FCRLB: variants seen among roughly 807,000 people sequenced by gnomAD.
FCRLB encodes the protein Fc receptor like B.
FCRLB carries 34 observed loss-of-function variants against 33.6 expected under a neutral mutation model. The ratio of observed to expected loss-of-function variants is 1.01; its 90% CI spans 0.77 to 1.35. The LOEUF (loss-of-function observed/expected upper bound fraction) is 1.35, where lower values mean the gene tolerates loss of function less well. Among genes scored for constraint, FCRLB ranks in the 40% most tolerant of loss-of-function variants. FCRLB has a pLI of 0.00. For missense variants in FCRLB, 560 were observed against 580.2 expected, an observed-to-expected ratio of 0.97 and a Z score of 0.36; for synonymous variants, 280 against 255.9, an observed-to-expected ratio of 1.09 and a Z score of -0.90.
chr1:161,727,103 C>T (rs2101680538), intron 7 of FCRLB, 110 bp downstream of exon 7: 1 of 1,340,690 alleles, frequency 7.5e-7, no homozygotes, highest in Non-Finnish European at 9.7e-7. Flanking sequence ...CGCCCCCCGC[C>T]TTTCCCATCT....
Position 161,726,428 on chromosome 1 carries a change from C to T in FCRLB, c.575-275C>T. On this transcript the variant is annotated intron_variant, in intron 6 of 7. Coordinates refer to ENST00000367948, the Ensembl canonical transcript of FCRLB. This position sits in a 1 kb window ranked among gnomAD's most constrained non-coding sequence, Gnocchi z 5.2. ...CAAGGCAGGCGCAGCGTCTCCTATT[C>T]TAGGCTGCAGAACCCGAGCTGAGTG... 1.4e-6 allele frequency: 1 copy of T among 721,296 alleles called. No individual in the cohort carries two copies. The highest frequency in any genetic ancestry group is 1.5e-5 in the South Asian group (1 of 67,116). The allele number at this position is 721,296 out of a possible 1,614,324, so 44.7% of individuals were successfully genotyped here.
rs200714126 is a variant in FCRLB, at chr1:161,722,690, C to T, written c.18C>T (p.Ala6=). ...GATCCATCATGTGGCCACTGACAGCCCTTCTGCTCCTGGGTGAGTCCACAG... is the reference window on the plus strand; with the variant it reads ...GATCCATCATGTGGCCACTGACAGCTCTTCTGCTCCTGGGTGAGTCCACAG... The change falls in exon 3 of 8, where the codon GCC becomes GCT. Residue 6 remains alanine, a synonymous_variant. Transcript: ENST00000367948. The T allele has an allele frequency of 2.3e-4, 364 of 1,614,102 alleles. 1 individual carries two copies. In the Middle Eastern group the frequency reaches 3.1e-3, roughly 14 times the overall value.
rs146761628 is a variant in FCRLB, at chr1:161,723,517, T to G, written c.203T>G (p.Leu68Arg). The G allele has an allele frequency of 4.3e-6, 7 of 1,614,102 alleles. No homozygotes were observed. In the African/African-American group the frequency reaches 6.7e-5, roughly 15 times the overall value. ...CTCTGGTATTTGGGCCACCTACTTC[T>G]GCCCTCTCACAAGAAGAGCATTGAG... Residue 68 changes from leucine (L) to arginine (R), a missense_variant, in exon 5 of 8, where the codon CTG (leucine) becomes CGG (arginine). Physicochemically the swap from Leu to Arg is moderately radical, Grantham distance 102. Coordinates refer to ENST00000367948, the Ensembl canonical transcript of FCRLB.
exon 1 of FCRLB, chr1:161,721,636 G>A (rs1403015698): frequency 2.6e-5 from 4 of 152,210 alleles, no homozygotes; most frequent in African/African-American, 9.7e-5. Flanking sequence ...AAGGGATCAA[G>A]GTGCCCCGGT....
rs1227175051 is a variant in FCRLB at position 161,726,116 on chromosome 1, A to G, written c.574+29A>G. On this transcript the variant is annotated intron_variant, in intron 6 of 7. Transcript: ENST00000367948. This position sits in a 1 kb window ranked among gnomAD's most constrained non-coding sequence, Gnocchi z 5.2. ...GGAGAGACCAGGGGCCCCGGGAGGG[A>G]GGCAAATGAGCATTGAGAAATTCTG... 11 of 1,606,504 alleles carry G rather than the reference A, an allele frequency of 6.8e-6. No homozygotes were observed. The highest frequency in any genetic ancestry group is 9.4e-6 in the Non-Finnish European group (11 of 1,174,672).
exon 8 of FCRLB, chr1:161,727,308 T>A (rs1400377187): frequency 6.2e-7 from 1 of 1,613,674 alleles, no homozygotes; most frequent in Admixed American, 1.7e-5. Flanking sequence ...CCTTGGCTCC[T>A]GGTAATAGGC....
chr1:161,727,371 C>T (rs1420093691), exon 8 of FCRLB: 2 of 1,613,616 alleles, frequency 1.2e-6, no homozygotes, highest in East Asian at 2.2e-5. Context: ...TGGTCACCTC[C>T]GTCCGGAACA....
chr1:161,722,985 G>A lies in FCRLB; in HGVS notation c.32-4G>A. ...CTTCCTCTTCCTTCTTTCCTGTTCTGCAGTTCCAAGCAGTGGGCAAGCTGG... is the reference window on the plus strand; with the variant it reads ...CTTCCTCTTCCTTCTTTCCTGTTCTACAGTTCCAAGCAGTGGGCAAGCTGG... On this transcript the variant is annotated splice_polypyrimidine_tract_variant and splice_region_variant and intron_variant, in intron 3 of 7. Coordinates refer to ENST00000367948, the Ensembl canonical transcript of FCRLB. 1.9e-6 allele frequency: 3 copies of A among 1,613,602 alleles called. No homozygotes were observed. In the South Asian group the frequency reaches 3.3e-5, roughly 18 times the overall value.
In FCRLB at chr1:161,726,046, G is replaced by T; in HGVS notation, c.533G>T (p.Ser178Ile). Residue 178 changes from serine (S) to isoleucine (I), a missense_variant, in exon 6 of 8, where the codon AGC becomes ATC. Physicochemically the swap from Ser to Ile is moderately radical, Grantham distance 142. Coordinates refer to ENST00000367948, the Ensembl canonical transcript of FCRLB. The surrounding 1 kb of genome is among the most constrained non-coding windows in gnomAD (Gnocchi z 5.2). ...GGCACCATGCGCATCCCGGTGGAGA[G>T]CGCGCCCATGTTCTCCGCTAAGGTG... 1 of 1,613,212 alleles carries T rather than the reference G, an allele frequency of 6.2e-7. No homozygotes were observed. The highest frequency in any genetic ancestry group is 8.5e-7 in the Non-Finnish European group (1 of 1,179,394).
rs200268538 is a variant in FCRLB, at chr1:161,726,858, C to T, written c.730C>T (p.Arg244Cys). Residue 244 changes from arginine to cysteine, a missense_variant, in exon 7 of 8, where the codon CGC becomes TGC. Coordinates refer to ENST00000367948, the Ensembl canonical transcript of FCRLB. The surrounding 1 kb of genome is among the most constrained non-coding windows in gnomAD (Gnocchi z 5.2). ...GTTTTACAAGTACAGCCGCGCGGTG[C>T]GCCGCTTCGACTGGGGCGCCGAGTA... The T allele has an allele frequency of 9.3e-5, 146 of 1,575,796 alleles. No homozygotes were observed. Among genetic ancestry groups the T allele is most frequent in the Non-Finnish European group, 9.0e-5 (104 of 1,160,820 alleles).
exon 6 of FCRLB, chr1:161,725,915 G>T: frequency 6.2e-7 from 1 of 1,614,244 alleles, no homozygotes; most frequent in East Asian, 2.2e-5. Flanking sequence ...TGGTCTACAA[G>T]CTTCACTACT....
exon 8 of FCRLB, chr1:161,727,718 C>T (rs551783073): frequency 2.0e-6 from 3 of 1,501,042 alleles, no homozygotes; most frequent in Admixed American, 4.8e-5. Context: ...CCTGCTTCCC[C>T]TCACGCGAAT....
chr1:161,722,763 G>T, intron 3 of FCRLB, 60 bp downstream of exon 3: 1 of 1,599,914 alleles, frequency 6.3e-7, no homozygotes, highest in Non-Finnish European at 8.5e-7. Flanking sequence ...GTGGACCAAG[G>T]TATGGGGAGA....
chr1:161,727,148 G>T, intron 7 of FCRLB, 99 bp from the exon 8 acceptor site: 1 of 1,373,458 alleles, frequency 7.3e-7, no homozygotes, highest in Admixed American at 2.8e-5. Context: ...CCCTCTTCCG[G>T]CCTTCCCCAT....
In FCRLB at chr1:161,726,110, G is replaced by T; in HGVS notation, c.574+23G>T. On this transcript the variant is annotated intron_variant, in intron 6 of 7. Coordinates refer to ENST00000367948, the Ensembl canonical transcript of FCRLB. The surrounding 1 kb of genome is among the most constrained non-coding windows in gnomAD (Gnocchi z 5.2). ...AAGGTGGGAGAGACCAGGGGCCCCG[G>T]GAGGGAGGCAAATGAGCATTGAGAA... The T allele has an allele frequency of 1.9e-6, 3 of 1,605,720 alleles. No homozygotes were observed. The highest frequency in any genetic ancestry group is 2.6e-6 in the Non-Finnish European group (3 of 1,174,022).
rs1683551514 is a variant in FCRLB at position 161,726,154 on chromosome 1, G to A, written c.574+67G>A. ...TTGAGAAATTCTGGGACAGGAGCTC[G>A]GCGAGAAAAGAAGGGGCGGAAGTTC... is the stretch of plus-strand genomic sequence containing the variant. On this transcript the variant is annotated intron_variant, in intron 6 of 7. Coordinates refer to ENST00000367948, the Ensembl canonical transcript of FCRLB. The surrounding 1 kb of genome is among the most constrained non-coding windows in gnomAD (Gnocchi z 5.2). 1.9e-6 allele frequency: 3 copies of A among 1,609,184 alleles called. No homozygotes were observed. The highest frequency in any genetic ancestry group is 1.1e-5 in the South Asian group (1 of 90,544).
chr1:161,722,763 G>C, intron 3 of FCRLB, 60 bp downstream of exon 3: 2 of 1,599,914 alleles, frequency 1.3e-6, no homozygotes, highest in South Asian at 2.2e-5. Flanking sequence ...GTGGACCAAG[G>C]TATGGGGAGA....
In FCRLB at chr1:161,726,633, G is replaced by T. The variant is rs1042089678; in HGVS notation, c.575-70G>T. The T allele has an allele frequency of 1.3e-6, 2 of 1,541,330 alleles. No homozygotes were observed. Among genetic ancestry groups the T allele is most frequent in the African/African-American group, 1.4e-5 (1 of 73,454 alleles). On this transcript the variant is annotated intron_variant, in intron 6 of 7. Transcript: ENST00000367948. This position sits in a 1 kb window ranked among gnomAD's most constrained non-coding sequence, Gnocchi z 5.2. The stretch of plus-strand genomic sequence containing the variant: ...TGTGGGTCTGCAAGGAGCCCTCGCG[G>T]GAAGCAGGAAGGAGCGGGGTCGCGG...
rs1683560227 is a variant in FCRLB, at chr1:161,726,345, T to TGGCAGG, written c.574+268_574+273dup. On this transcript the variant is annotated intron_variant, in intron 6 of 7. Transcript: ENST00000367948. This position sits in a 1 kb window ranked among gnomAD's most constrained non-coding sequence, Gnocchi z 5.2. ...GGGACTCCCACAGAGAGGGCAGCTC[T>TGGCAGG]GGCAGGGGCAGGGGCCACTGTGGGA... 2 of 755,564 alleles carry TGGCAGG rather than the reference T, an allele frequency of 2.6e-6. No homozygotes were observed. The highest frequency in any genetic ancestry group is 1.7e-5 in the African/African-American group (1 of 58,174). The allele number at this position is 755,564 out of a possible 1,614,324, so 46.8% of individuals were successfully genotyped here. A position where few individuals can be genotyped will look rare whatever the true frequency, so the allele number is the denominator to read the frequency against.
Sources: gnomAD v4.1 joint callset for allele counts on GRCh38, gnomAD v4.1.1 for gene constraint, Gnocchi (gnomAD v3.1) non-coding constraint, MANE v1.5 for transcripts, NCBI Gene and HGNC (gene_info 2026-07-23, HGNC 2026-07-21) for gene names.